The following SPMIP4 variants were observed in gnomAD, a reference collection of about 807,000 sequenced individuals.
The protein encoded by SPMIP4 is sperm microtubule inner protein 4.
the SPMIP4 span, among the ~76,000 whole-genome samples, chr7:25,145,923 A>C: frequency 7.0e-6 from 1 of 142,302 alleles, no homozygotes; most frequent in Non-Finnish European, 1.5e-5. Flanking sequence ...AAGCAAATAT[A>C]GTTTTTTTTT....
At chr7:25,151,491 G>A in the SPMIP4 span, 1 of 690,472 alleles carries the variant, frequency 1.4e-6, no homozygotes, top group Admixed American at 2.7e-5. Flanking sequence ...CCTAAGTGCT[G>A]GGATTATGGG....
the SPMIP4 span, among the ~76,000 whole-genome samples, chr7:25,166,663 G>A: frequency 0.36 from 54,560 of 151,794 alleles, 12,276 homozygotes; most frequent in Non-Finnish European, 0.5. Flanking sequence ...GAGGCAGGTG[G>A]ATCACCTGAG....
chr7:25,130,935 A>G, the SPMIP4 span, among the ~76,000 whole-genome samples: 1 of 152,228 alleles, frequency 6.6e-6, no homozygotes, highest in Non-Finnish European at 1.5e-5. Context: ...ACACACATCC[A>G]TATCTGTTCA....
the SPMIP4 span, chr7:25,142,690 C>T: frequency 6.2e-6 from 10 of 1,612,998 alleles, no homozygotes; most frequent in Non-Finnish European, 8.5e-6. Context: ...CTCAAGATTT[C>T]TTTGTATGTT....
chr7:25,126,211 A>T, the SPMIP4 span, among the ~76,000 whole-genome samples: 1 of 152,126 alleles, frequency 6.6e-6, no homozygotes, highest in Non-Finnish European at 1.5e-5. Context: ...TGTTTAATGT[A>T]CAATAAATTA....
chr7:25,142,334 T>G, the SPMIP4 span: 1 of 1,582,008 alleles, frequency 6.3e-7, no homozygotes, highest in Non-Finnish European at 8.7e-7. Flanking sequence ...GCCCCAGACC[T>G]TAATGGAAAC....
chr7:25,169,451 A>G, the SPMIP4 span, among the ~76,000 whole-genome samples: 2 of 152,062 alleles, frequency 1.3e-5, no homozygotes, highest in Non-Finnish European at 2.9e-5. Flanking sequence ...TATTCTGGAC[A>G]TTTCCTGTAA....
At chr7:25,128,997 G>C in the SPMIP4 span, among the ~76,000 whole-genome samples, 1 of 152,210 alleles carries the variant, frequency 6.6e-6, no homozygotes, top group Non-Finnish European at 1.5e-5. This position sits in a 1 kb window ranked among gnomAD's most constrained non-coding sequence, Gnocchi z 4.5. Context: ...TGGCTGAGCT[G>C]GTATTCAAGT....
At chr7:25,135,600 T>C in the SPMIP4 span, 1 of 869,838 alleles carries the variant, frequency 1.1e-6, no homozygotes, top group Non-Finnish European at 1.4e-6. Context: ...TCATTAATTA[T>C]TGATCATTTG....
chr7:25,137,710 T>G, the SPMIP4 span, among the ~76,000 whole-genome samples: 4 of 152,304 alleles, frequency 2.6e-5, no homozygotes, highest in South Asian at 8.3e-4. Context: ...TAAATTTTCT[T>G]TTTATAAGAA....
the SPMIP4 span, among the ~76,000 whole-genome samples, chr7:25,139,689 A>C: frequency 5.3e-5 from 8 of 152,166 alleles, no homozygotes; most frequent in Non-Finnish European, 8.8e-5. Context: ...TGATGAAAAA[A>C]CTTCAGCTCT....
the SPMIP4 span, among the ~76,000 whole-genome samples, chr7:25,154,460 G>A: frequency 1.3e-5 from 2 of 152,158 alleles, no homozygotes; most frequent in Non-Finnish European, 2.9e-5. Context: ...ACTAGTGTAC[G>A]GGATTCCTGA....
the SPMIP4 span, among the ~76,000 whole-genome samples, chr7:25,152,194 T>G: frequency 6.6e-6 from 1 of 152,198 alleles, no homozygotes; most frequent in Non-Finnish European, 1.5e-5. Flanking sequence ...AACAAATACA[T>G]TTCTATATTA....
At chr7:25,127,015 C>T in the SPMIP4 span, among the ~76,000 whole-genome samples, 1 of 152,226 alleles carries the variant, frequency 6.6e-6, no homozygotes, top group Non-Finnish European at 1.5e-5. Context: ...GCCACTCCCT[C>T]CCGGCCTGTA....
At chr7:25,179,105 T>G in the SPMIP4 span, 1 of 1,447,052 alleles carries the variant, frequency 6.9e-7, no homozygotes, top group Non-Finnish European at 9.3e-7. Context: ...ATGTTTTTCC[T>G]CACATAATAA....
the SPMIP4 span, among the ~76,000 whole-genome samples, chr7:25,162,992 C>T: frequency 2.0e-5 from 3 of 152,132 alleles, no homozygotes; most frequent in South Asian, 4.1e-4. Flanking sequence ...AACTCCTGAC[C>T]TCAGGTGGTC....
the SPMIP4 span, among the ~76,000 whole-genome samples, chr7:25,141,554 G>C: frequency 1.4e-5 from 1 of 70,342 alleles, no homozygotes; most frequent in African/African-American, 3.9e-5. Flanking sequence ...CCTGGCAACA[G>C]AGTGAGACTC....
At chr7:25,136,145 C>T in the SPMIP4 span, 1 of 1,614,164 alleles carries the variant, frequency 6.2e-7, no homozygotes, top group Non-Finnish European at 8.5e-7. This position sits in a 1 kb window ranked among gnomAD's most constrained non-coding sequence, Gnocchi z 5.7. Flanking sequence ...GGTTTGGTCA[C>T]TCCAGCTCTA....
chr7:25,168,491 A>G, the SPMIP4 span: 1 of 1,552,484 alleles, frequency 6.4e-7, no homozygotes. Context: ...GACTTCAAAG[A>G]GCCTCAGCAA....
Sources: gnomAD v4.1 joint callset for allele counts (sites outside exome capture counted in the v4.1 genomes callset) on GRCh38, gnomAD v4.1.1 for gene constraint, Gnocchi (gnomAD v3.1) non-coding constraint, MANE v1.5 for transcripts, NCBI Gene and HGNC (gene_info 2026-07-23, HGNC 2026-07-21) for gene names.